The following UNC5C variants were observed in gnomAD, a reference collection of about 807,000 sequenced individuals.
The protein encoded by UNC5C is netrin receptor UNC5C.
In UNC5C, 47 loss-of-function variants were observed where a neutral mutation model predicts 99.8. The ratio of observed to expected loss-of-function variants is 0.47; its 90% CI spans 0.37 to 0.60. The LOEUF (loss-of-function observed/expected upper bound fraction) is 0.60, where lower values mean the gene tolerates loss of function less well. UNC5C is among the 20% of genes least tolerant of loss of function. The pLI, the probability that UNC5C is intolerant of heterozygous loss-of-function variation, is 0.00. For missense variants in UNC5C, 1,062 were observed against 1,165.9 expected, an observed-to-expected ratio of 0.91 and a Z score of 1.30; for synonymous variants, 487 against 452.2, an observed-to-expected ratio of 1.08 and a Z score of -0.98.
intron 1 of UNC5C, among the ~76,000 whole-genome samples, chr4:95,467,666 A>G (rs997920415): frequency 2.6e-5 from 4 of 152,180 alleles, no homozygotes; most frequent in Non-Finnish European, 5.9e-5. Flanking sequence ...GGAAGGGTCA[A>G]TACAGTTAGC....
chr4:95,509,987 G>A (rs576164676), intron 1 of UNC5C, among the ~76,000 whole-genome samples: 1 of 151,974 alleles, frequency 6.6e-6, no homozygotes, highest in South Asian at 2.1e-4. Flanking sequence ...ACATGTAATA[G>A]AAGACAGGAA....
At chr4:95,480,973 A>G (rs1309350859) in intron 1 of UNC5C, among the ~76,000 whole-genome samples, 1 of 149,766 alleles carries the variant, frequency 6.7e-6, no homozygotes, top group Non-Finnish European at 1.5e-5. Flanking sequence ...CTCTCTCACC[A>G]CTCCTATTCA....
chr4:95,434,709 AG>A (rs1295298748), intron 1 of UNC5C, among the ~76,000 whole-genome samples: 3 of 152,036 alleles, frequency 2.0e-5, no homozygotes, highest in South Asian at 4.1e-4. Flanking sequence ...ATCTAGGAAA[AG>A]TTCAAAGCCA....
intron 14 of UNC5C, among the ~76,000 whole-genome samples, chr4:95,181,685 G>A (rs139709027): frequency 3.9e-5 from 6 of 152,252 alleles, no homozygotes; most frequent in African/African-American, 1.2e-4. Flanking sequence ...AATGTCACCG[G>A]GGGCTGTGAC....
intron 1 of UNC5C, among the ~76,000 whole-genome samples, chr4:95,546,131 A>G (rs1227920287): frequency 1.3e-5 from 2 of 152,216 alleles, no homozygotes; most frequent in Admixed American, 1.3e-4. Flanking sequence ...CACATTGTAA[A>G]GTGCTTAAAG....
At chr4:95,203,096 T>C in intron 11 of UNC5C, 132 bp from the exon 12 acceptor site, 1 of 718,196 alleles carries the variant, frequency 1.4e-6, no homozygotes, top group Non-Finnish European at 2.3e-6. Context: ...GAGTTTATAA[T>C]CTGTCTACTT....
intron 1 of UNC5C, among the ~76,000 whole-genome samples, chr4:95,348,124 GAC>G (rs1056594306): frequency 6.6e-6 from 1 of 151,946 alleles, no homozygotes; most frequent in African/African-American, 2.4e-5. Context: ...TTCAAAAGAA[GAC>G]ACACAAACGG....
chr4:95,466,575 C>G (rs1172528818), intron 1 of UNC5C, among the ~76,000 whole-genome samples: 3 of 151,932 alleles, frequency 2.0e-5, no homozygotes, highest in Non-Finnish European at 4.4e-5. Context: ...CATATCCCAG[C>G]ATTTGAAGAC....
chr4:95,287,909 G>A (rs891795631), intron 3 of UNC5C, among the ~76,000 whole-genome samples: 15 of 152,142 alleles, frequency 9.9e-5, no homozygotes, highest in African/African-American at 3.1e-4. Context: ...TTGGTGCTGG[G>A]TATATAGCAG....
chr4:95,297,557 G>A (rs917904309), intron 3 of UNC5C, among the ~76,000 whole-genome samples: 3 of 152,116 alleles, frequency 2.0e-5, no homozygotes, highest in Admixed American at 6.5e-5. Context: ...CAAATTTTAC[G>A]AGTGAATATA....
chr4:95,464,789 A>G lies in UNC5C; in HGVS notation c.124+83945T>C, dbSNP rs1747723499. Among the ~76,000 whole-genome samples, 2 of 152,196 alleles carry G rather than the reference A, an allele frequency of 1.3e-5. 1 individual carries two copies. Among genetic ancestry groups the G allele is most frequent in the Admixed American group, 1.3e-4 (2 of 15,282 alleles). On this transcript the variant is annotated intron_variant, in intron 1 of 15. Transcript: ENST00000453304. Reference sequence around the variant, plus strand: ...GGCTTTTGTTTCAACCTGAGGGTGTATTCCCACCTATACCTCATGTAAGTT... The same window carrying G: ...GGCTTTTGTTTCAACCTGAGGGTGTGTTCCCACCTATACCTCATGTAAGTT...
chr4:95,224,805 A>G (rs1225896412), intron 7 of UNC5C, among the ~76,000 whole-genome samples: 1 of 152,180 alleles, frequency 6.6e-6, no homozygotes. Flanking sequence ...AAAGAACATA[A>G]TGTGTTTGGA....
intron 1 of UNC5C, among the ~76,000 whole-genome samples, chr4:95,479,047 C>T (rs574503112): frequency 8.6e-5 from 13 of 151,894 alleles, no homozygotes; most frequent in East Asian, 1.9e-4. Context: ...AGAAGATGTA[C>T]GATCTCCAGA....
intron 3 of UNC5C, among the ~76,000 whole-genome samples, chr4:95,300,021 G>A (rs1176018226): frequency 6.6e-6 from 1 of 152,226 alleles, no homozygotes; most frequent in Non-Finnish European, 1.5e-5. Flanking sequence ...GACAAGTATA[G>A]AACTGGGGAA....
chr4:95,178,221 C>T (rs940089285), intron 14 of UNC5C, among the ~76,000 whole-genome samples: 18 of 152,204 alleles, frequency 1.2e-4, no homozygotes, highest in African/African-American at 4.3e-4. Flanking sequence ...GTTCTCATGC[C>T]ATTTCTAAGG....
Position 95,310,419 on chromosome 4 carries a change from C to G in UNC5C, c.347-8670G>C, listed in dbSNP as rs535193302. 9.0e-4 allele frequency among the ~76,000 whole-genome samples: 58 copies of G among 64,536 alleles called. No individual in the cohort carries two copies. In the Middle Eastern group the frequency reaches 0.027, roughly 30 times the overall value. The allele number at this position is 64,536 out of a possible 152,430, so 42.3% of individuals were successfully genotyped here. A position where few individuals can be genotyped will look rare whatever the true frequency, so the allele number is the denominator to read the frequency against. ...AATGTGTTGTGTACTTGAAATTTGC[C>G]AAGACAGTAGATTTTTAAGTGTTCT... On this transcript the variant is annotated intron_variant, in intron 2 of 15. Transcript: ENST00000453304.
intron 9 of UNC5C, among the ~76,000 whole-genome samples, chr4:95,216,978 G>C (rs561786924): frequency 6.6e-6 from 1 of 152,332 alleles, no homozygotes; most frequent in South Asian, 2.1e-4. Context: ...GATGCCCATG[G>C]TGATGGTCTG....
chr4:95,326,534 A>G (rs1162258738), intron 2 of UNC5C, among the ~76,000 whole-genome samples: 1 of 152,220 alleles, frequency 6.6e-6, no homozygotes, highest in Admixed American at 6.5e-5. Context: ...GTATTACTAT[A>G]TTACCAAATC....
At chr4:95,235,799 A>G (rs1298233234) in intron 7 of UNC5C, among the ~76,000 whole-genome samples, 1 of 152,194 alleles carries the variant, frequency 6.6e-6, no homozygotes, top group African/African-American at 2.4e-5. Flanking sequence ...CACTTCTCAA[A>G]AGAAGACATT....
Sources: allele counts gnomAD v4.1 joint callset (sites outside exome capture counted in the v4.1 genomes callset), GRCh38; gene constraint gnomAD v4.1.1; transcripts MANE v1.5; gene names NCBI Gene and HGNC (gene_info 2026-07-23, HGNC 2026-07-21).